ADCY5: variants seen among roughly 807,000 people sequenced by gnomAD.
The protein encoded by ADCY5 is adenylate cyclase type 5.
ADCY5 carries 30 observed loss-of-function variants against 119.7 expected under a neutral mutation model. The ratio of observed to expected loss-of-function variants is 0.25; its 90% CI spans 0.19 to 0.34. The LOEUF (loss-of-function observed/expected upper bound fraction) is 0.34, where lower values mean the gene tolerates loss of function less well. ADCY5 is among the 10% of genes least tolerant of loss of function. The pLI is 1.00. For synonymous variants in ADCY5, 753 were observed against 762.2 expected, an observed-to-expected ratio of 0.99 and a Z score of 0.20; for missense variants, 1,324 against 1,775.2, an observed-to-expected ratio of 0.75 and a Z score of 4.57.
intron 7 of ADCY5, among the ~76,000 whole-genome samples, chr3:123,326,056 G>T (rs935576376): frequency 6.6e-6 from 1 of 152,236 alleles, no homozygotes; most frequent in Non-Finnish European, 1.5e-5. Context: ...GGTGGGGCCT[G>T]ATCTGAAGTT....
At chr3:123,287,591 C>G (rs1462138104) in intron 19 of ADCY5, among the ~76,000 whole-genome samples, 3 of 152,120 alleles carry the variant, frequency 2.0e-5, no homozygotes, top group African/African-American at 7.3e-5. Flanking sequence ...ACTGAAAACA[C>G]ACAAGCTCCA....
rs761964066 is a variant in ADCY5, at chr3:123,304,127, G to A, written c.2499C>T (p.Asn833=). 4 of 1,417,634 alleles carry A rather than the reference G, an allele frequency of 2.8e-6. No homozygotes were observed. Among genetic ancestry groups the A allele is most frequent in the South Asian group, 1.1e-5 (1 of 88,748 alleles). The allele number at this position is 1,417,634 out of a possible 1,614,324, so 87.8% of individuals were successfully genotyped here. The change falls in exon 13 of 21, where the codon AAC becomes AAT. Residue 833 remains asparagine (N), a synonymous_variant. Coordinates refer to ENST00000462833, the MANE Select transcript of ADCY5 (RefSeq NM_183357.3). ...TGGTGAACACCCCAACCAGGGTGCT[G>A]TTCATCTTGGACCGCACGATCTTCC... The part of the protein sequence containing the change: ...LSRKIVRSKM[N]STLVGVFTIT...
At chr3:123,441,607 A>G (rs1347594968) in intron 1 of ADCY5, among the ~76,000 whole-genome samples, 3 of 152,324 alleles carry the variant, frequency 2.0e-5, no homozygotes, top group Middle Eastern at 3.4e-3. Context: ...CTGAAAACAG[A>G]GATCCCAGCA....
At chr3:123,302,227 G>A (rs1013624691) in intron 14 of ADCY5, among the ~76,000 whole-genome samples, 11 of 152,222 alleles carry the variant, frequency 7.2e-5, no homozygotes, top group Admixed American at 2.0e-4. Context: ...TGCTGACAGC[G>A]AACTGCTTCC....
chr3:123,381,000 T>G (rs1292538601), intron 1 of ADCY5, among the ~76,000 whole-genome samples: 1 of 152,206 alleles, frequency 6.6e-6, no homozygotes, highest in African/African-American at 2.4e-5. Context: ...GGCAAGTTAC[T>G]TAACCTGTCT....
chr3:123,349,213 T>C (rs911637787), intron 2 of ADCY5, among the ~76,000 whole-genome samples: 7 of 152,206 alleles, frequency 4.6e-5, no homozygotes, highest in Non-Finnish European at 7.3e-5. Context: ...CACTTTTCTT[T>C]CAATTTCCCT....
At chr3:123,319,967 G>A (rs367716469) in intron 9 of ADCY5, 149 bp from the exon 10 acceptor site, 4 of 1,124,430 alleles carry the variant, frequency 3.6e-6, no homozygotes, top group Non-Finnish European at 5.0e-6. Context: ...CTGAGACTGA[G>A]ACCAGAAGCC....
chr3:123,315,482 C>G (rs1317132947), intron 11 of ADCY5, among the ~76,000 whole-genome samples: 1 of 152,160 alleles, frequency 6.6e-6, no homozygotes, highest in Non-Finnish European at 1.5e-5. Flanking sequence ...GATGACCCAG[C>G]CCCCAAGCCG....
At position 123,448,366 on chromosome 3, in the gene ADCY5, C is replaced by A; in HGVS notation, c.180G>T (p.Ala60=). The stretch of plus-strand genomic sequence containing the variant: ...GGCGCTGCTGCTGCTGCGGGGTCAC[C>A]GCCCCCCCGGGTTTCTTGGTGGAGC... The part of the protein sequence containing the change: ...ARGSTKKPGG[A]VTPQQQQRLA... The change falls in exon 1 of 21, where the codon GCG becomes GCT. Residue 60 remains alanine (A), a synonymous_variant. Transcript: ENST00000462833. 6.7e-7 allele frequency: 1 copy of A among 1,495,448 alleles called. No homozygotes were observed. Among genetic ancestry groups the A allele is most frequent in the Admixed American group, 2.3e-5 (1 of 44,244 alleles). The allele number at this position is 1,495,448 out of a possible 1,614,324, so 92.6% of individuals were successfully genotyped here. A position where few individuals can be genotyped will look rare whatever the true frequency, so the allele number is the denominator to read the frequency against.
intron 1 of ADCY5, among the ~76,000 whole-genome samples, chr3:123,424,311 G>A (rs1285418268): frequency 6.6e-6 from 1 of 152,244 alleles, no homozygotes; most frequent in Non-Finnish European, 1.5e-5. Flanking sequence ...CATGAGCAGA[G>A]TCCTGGGCTG....
chr3:123,334,762 A>T (rs34520988), intron 3 of ADCY5, among the ~76,000 whole-genome samples: 7,094 of 152,266 alleles, frequency 0.047, 220 homozygotes, highest in Middle Eastern at 0.11. Flanking sequence ...ATAAATAAAT[A>T]AATTAAATAT....
chr3:123,386,172 G>A (rs775772592), intron 1 of ADCY5, among the ~76,000 whole-genome samples: 2 of 152,230 alleles, frequency 1.3e-5, no homozygotes, highest in Non-Finnish European at 2.9e-5. Flanking sequence ...AGCTTTAGGT[G>A]GACAGGAGGG....
intron 1 of ADCY5, among the ~76,000 whole-genome samples, chr3:123,401,965 C>G (rs1266306315): frequency 6.6e-6 from 1 of 152,198 alleles, no homozygotes; most frequent in African/African-American, 2.4e-5. Flanking sequence ...CCTCGACAGG[C>G]TGGAGCAAAT....
At chr3:123,345,818 C>T (rs1430355578) in intron 3 of ADCY5, among the ~76,000 whole-genome samples, 1 of 114,432 alleles carries the variant, frequency 8.7e-6, no homozygotes, top group African/African-American at 3.9e-5. Context: ...CTCTCTCCTG[C>T]CTCTCCTCTG....
At chr3:123,342,837 T>C (rs549500952) in intron 3 of ADCY5, among the ~76,000 whole-genome samples, 2 of 152,324 alleles carry the variant, frequency 1.3e-5, no homozygotes, top group East Asian at 1.9e-4. Flanking sequence ...GGGCGTTCTC[T>C]GGCCCCTGAA....
intron 1 of ADCY5, among the ~76,000 whole-genome samples, chr3:123,440,287 G>C (rs1250243043): frequency 6.6e-6 from 1 of 152,184 alleles, no homozygotes; most frequent in South Asian, 2.1e-4. Flanking sequence ...AAGGCAGAGG[G>C]GACCATGAAA....
In ADCY5 at chr3:123,320,790, A is replaced by G. The variant is rs1164338243; in HGVS notation, c.2089-19T>C. On this transcript the variant is annotated intron_variant, in intron 8 of 20. Coordinates refer to ENST00000462833, the MANE Select transcript of ADCY5 (RefSeq NM_183357.3). ...CAAAGCCCTAGAAGAGAAGGATAGA[A>G]AGAGAAAGAGAAGAGAATGAGAACA... The G allele has an allele frequency of 6.4e-7, 1 of 1,564,228 alleles. No individual in the cohort carries two copies. The highest frequency in any genetic ancestry group is 2.3e-5 in the East Asian group (1 of 44,430).
At chr3:123,333,718 C>T (rs1294606714) in intron 3 of ADCY5, among the ~76,000 whole-genome samples, 4 of 152,230 alleles carry the variant, frequency 2.6e-5, no homozygotes, top group Non-Finnish European at 5.9e-5. Context: ...GAGCACACCT[C>T]GAGGGCACTG....
At position 123,285,246 on chromosome 3, in the gene ADCY5, CTAA is replaced by C. The variant is rs376438374; in HGVS notation, c.3658-513_3658-511del. ...CTCACTGCATCTTCCTGTGAGGTGA[CTAA>C]TGTTATTACCCTCAGGCTCAGAGCA... On this transcript the variant is annotated intron_variant, in intron 20 of 20. Transcript: ENST00000462833. Among the ~76,000 whole-genome samples, 49 of 152,328 alleles carry C rather than the reference CTAA, an allele frequency of 3.2e-4. No individual in the cohort carries two copies. The East Asian group carries it at 5.4e-3, about 17-fold the overall frequency.
Sources: allele counts gnomAD v4.1 joint callset (sites outside exome capture counted in the v4.1 genomes callset), GRCh38; gene constraint gnomAD v4.1.1; transcripts MANE v1.5; gene names NCBI Gene and HGNC (gene_info 2026-07-23, HGNC 2026-07-21).